MIX23: variants seen among roughly 807,000 people sequenced by gnomAD.
MIX23 encodes mitochondrial matrix import factor 23, also known as protein MIX23.
A neutral mutation model predicts 21.6 loss-of-function variants in MIX23; 13 were observed. That is an observed-to-expected ratio of 0.60 (90% CI 0.39 to 0.96). The LOEUF is 0.96. Ranked by LOEUF, MIX23 falls within the 40% of genes least tolerant of loss-of-function variation. The pLI is 0.00. For synonymous variants in MIX23, 59 were observed against 58.0 expected (o/e 1.02, Z -0.08); for missense variants, 144 against 171.2 (o/e 0.84, Z 0.89).
intron 3 of MIX23, 53 bp downstream of exon 3, chr3:122,368,123 A>G: frequency 6.4e-7 from 1 of 1,564,680 alleles, no homozygotes; most frequent in Non-Finnish European, 8.7e-7. Context: ...CTTACTTTGA[A>G]GGCTACAATT....
chr3:122,363,688 G>T (rs2075376137), intron 3 of MIX23, among the ~76,000 whole-genome samples: 1 of 151,776 alleles, frequency 6.6e-6, no homozygotes, highest in Non-Finnish European at 1.5e-5. Flanking sequence ...ACATGGAAGT[G>T]ATCTAGAAAG....
At chr3:122,371,145 G>A (rs1161815995) in intron 2 of MIX23, among the ~76,000 whole-genome samples, 1 of 152,196 alleles carries the variant, frequency 6.6e-6, no homozygotes, top group Admixed American at 6.5e-5. Flanking sequence ...AGAAATAAAG[G>A]GGGGCAATGA....
chr3:122,360,128 A>C (rs138047526), intron 4 of MIX23, among the ~76,000 whole-genome samples: 1 of 152,146 alleles, frequency 6.6e-6, no homozygotes, highest in Non-Finnish European at 1.5e-5. Flanking sequence ...TTACAAGACA[A>C]TTCTAGTATT....
At position 122,371,788 on chromosome 3, in the gene MIX23, C is replaced by A. The variant is rs1162695003; in HGVS notation, c.64G>T (p.Val22Leu). The A allele has an allele frequency of 6.3e-7, 1 of 1,599,936 alleles. No homozygotes were observed. Among genetic ancestry groups the A allele is most frequent in the Non-Finnish European group, 8.6e-7 (1 of 1,167,718 alleles). The part of the protein sequence containing the change: ...EFAEFQELLK[V>L]MRTIDDRIVH... ...ATTCTGTCATCAATTGTCCTCATCACCTTGAGTAATTCCTATATGTATTTA... is the reference window on the plus strand; with the variant it reads ...ATTCTGTCATCAATTGTCCTCATCAACTTGAGTAATTCCTATATGTATTTA... Residue 22 changes from valine to leucine, a missense_variant, in exon 2 of 5, where the codon GTG (valine) becomes TTG (leucine). By Grantham distance (32) the Val-to-Leu change is conservative. Transcript: ENST00000291458.
Position 122,359,628 on chromosome 3 carries a change from A to ATT in MIX23, c.*239_*240dup, listed in dbSNP as rs879005909. 93 of 238,750 alleles carry ATT rather than the reference A, an allele frequency of 3.9e-4. No individual in the cohort carries two copies. The highest frequency in any genetic ancestry group is 1.2e-3 in the Middle Eastern group (1 of 806). 14.8% of individuals were successfully genotyped at this position (238,750 alleles called of 1,614,324 possible). ...GAAAATTATTTTAATAGTTACAAAAATTTTTTTTTTTTTTTTTTACAGAAT... is the reference window on the plus strand; with the variant it reads ...GAAAATTATTTTAATAGTTACAAAAATTTTTTTTTTTTTTTTTTTTACAGAAT... On this transcript the variant is annotated 3_prime_UTR_variant, in exon 5 of 5. Transcript: ENST00000291458.
intron 1 of MIX23, among the ~76,000 whole-genome samples, chr3:122,381,331 A>T (rs890211260): frequency 2.0e-5 from 3 of 152,154 alleles, no homozygotes; most frequent in Non-Finnish European, 4.4e-5. Flanking sequence ...AATCCCCAAC[A>T]TGACTGTATC....
intron 1 of MIX23, among the ~76,000 whole-genome samples, chr3:122,375,730 C>T (rs1010670660): frequency 2.0e-5 from 3 of 152,014 alleles, no homozygotes. Flanking sequence ...GAAAAGGGAA[C>T]GCTTATACAC....
intron 4 of MIX23, 77 bp downstream of exon 4, chr3:122,362,891 A>T: frequency 8.6e-7 from 1 of 1,157,336 alleles, no homozygotes; most frequent in Non-Finnish European, 1.3e-6. Context: ...GGCACTCTTT[A>T]CTCCCCCTCC....
intron 3 of MIX23, among the ~76,000 whole-genome samples, chr3:122,363,754 C>G (rs138917205): frequency 6.6e-6 from 1 of 151,648 alleles, no homozygotes; most frequent in Non-Finnish European, 1.5e-5. Context: ...CTAAAAATGC[C>G]AAGTCTTTCT....
chr3:122,365,365 T>C (rs995173130), intron 3 of MIX23: 2 of 152,182 alleles, frequency 1.3e-5, no homozygotes, highest in African/African-American at 2.4e-5. Context: ...TGTCAGTTAG[T>C]ATCTCAAGTA....
intron 1 of MIX23, 177 bp downstream of exon 1, chr3:122,382,997 G>C (rs917323727): frequency 6.7e-6 from 5 of 745,178 alleles, no homozygotes; most frequent in Non-Finnish European, 9.5e-6. Flanking sequence ...TCCTCCTACA[G>C]AGCAGCCTCG....
Position 122,362,974 on chromosome 3 carries a change from G to C in MIX23, c.378C>G (p.Ser126Arg). ...CACCAACATTATTTTATACCTTCCA[G>C]CTCCTGTCATTTACCACTTCTTCAA... The part of the protein sequence containing the change: ...LNVEEVVNDR[S>R]WKVFNERCRI... The change falls in exon 4 of 5, where the codon AGC becomes AGG. Residue 126 changes from serine to arginine, a missense_variant. Ser to Arg is a moderately radical substitution (Grantham distance 110). Transcript: ENST00000291458. 6.2e-7 allele frequency: 1 copy of C among 1,611,762 alleles called. No individual in the cohort carries two copies. Among genetic ancestry groups the C allele is most frequent in the Non-Finnish European group, 8.5e-7 (1 of 1,178,808 alleles).
chr3:122,368,389 C>CA (rs1266158614), intron 2 of MIX23, 67 bp from the exon 3 acceptor site: 4 of 1,426,760 alleles, frequency 2.8e-6, no homozygotes, highest in South Asian at 2.8e-5. Context: ...TAGTGTTTTT[C>CA]AAAAAAATCC....
chr3:122,364,231 G>A (rs142901024), intron 3 of MIX23, among the ~76,000 whole-genome samples: 66 of 152,304 alleles, frequency 4.3e-4, no homozygotes, highest in Middle Eastern at 3.4e-3. Flanking sequence ...GCGTCAAAGC[G>A]TAGGCCTGTA....
intron 1 of MIX23, among the ~76,000 whole-genome samples, chr3:122,377,303 G>C (rs2075495464): frequency 6.6e-6 from 1 of 152,310 alleles, no homozygotes; most frequent in Non-Finnish European, 1.5e-5. Context: ...AGATATCTGA[G>C]TAGAAGAGTG....
chr3:122,371,099 A>G (rs570141302), intron 2 of MIX23, among the ~76,000 whole-genome samples: 15 of 152,366 alleles, frequency 9.8e-5, no homozygotes, highest in African/African-American at 3.1e-4. Flanking sequence ...ATTTTGCTGC[A>G]TCATTATTTC....
chr3:122,374,722 C>T (rs185132745), intron 1 of MIX23, among the ~76,000 whole-genome samples: 1 of 151,664 alleles, frequency 6.6e-6, no homozygotes, highest in African/African-American at 2.4e-5. Flanking sequence ...GCTACAGTAG[C>T]GAATAAAAGA....
At chr3:122,373,931 T>C (rs1199079927) in intron 1 of MIX23, among the ~76,000 whole-genome samples, 1 of 152,054 alleles carries the variant, frequency 6.6e-6, no homozygotes, top group Non-Finnish European at 1.5e-5. Flanking sequence ...TAAGGAATAA[T>C]CTCAATGCAT....
chr3:122,364,957 A>C (rs896837129), intron 3 of MIX23, among the ~76,000 whole-genome samples: 1 of 152,190 alleles, frequency 6.6e-6, no homozygotes, highest in African/African-American at 2.4e-5. Context: ...GGTAGGTGGG[A>C]TTTATTTCCT....
Sources: gnomAD v4.1 joint callset for allele counts (sites outside exome capture counted in the v4.1 genomes callset) on GRCh38, gnomAD v4.1.1 for gene constraint, MANE v1.5 for transcripts, NCBI Gene and HGNC (gene_info 2026-07-23, HGNC 2026-07-21) for gene names.